The following UGGT2 variants were observed in gnomAD, a reference collection of about 807,000 sequenced individuals.
UGGT2 encodes the protein UDP-glucose glycoprotein glucosyltransferase 2, also known as UDP-glucose:glycoprotein glucosyltransferase 2.
A neutral mutation model predicts 192.1 loss-of-function variants in UGGT2; 180 were observed. The observed-to-expected ratio is 0.94, with a 90% CI of 0.83 to 1.06. The LOEUF is 1.06. UGGT2 is among the 50% of genes least tolerant of loss of function. The pLI, the probability that UGGT2 is intolerant of heterozygous loss-of-function variation, is 0.00. For synonymous variants in UGGT2, 580 were observed against 591.0 expected, an observed-to-expected ratio of 0.98 and a Z score of 0.27; for missense variants, 1,849 against 1,795.7, an observed-to-expected ratio of 1.03 and a Z score of -0.54.
intron 36 of UGGT2, among the ~76,000 whole-genome samples, chr13:95,840,391 C>T (rs1887737603): frequency 6.6e-6 from 1 of 152,132 alleles, no homozygotes; most frequent in Non-Finnish European, 1.5e-5. Context: ...AGAATATGAA[C>T]AGACGCTTCT....
At chr13:95,861,115 T>C (rs1245395527) in intron 31 of UGGT2, among the ~76,000 whole-genome samples, 1 of 152,096 alleles carries the variant, frequency 6.6e-6, no homozygotes, top group Non-Finnish European at 1.5e-5. Context: ...TTTAGGTGAA[T>C]GGGCTGGTAT....
intron 7 of UGGT2, among the ~76,000 whole-genome samples, chr13:95,993,257 C>G (rs1181618101): frequency 6.6e-6 from 1 of 152,090 alleles, no homozygotes; most frequent in East Asian, 1.9e-4. Context: ...GGGAAGATGG[C>G]AAGGGCTGAA....
rs529089188 is a variant in UGGT2, at chr13:95,868,775, C to G, written c.3474-1352G>C. Among the ~76,000 whole-genome samples the G allele has an allele frequency of 7.9e-5, 12 of 152,268 alleles. No homozygotes were observed. In the South Asian group the frequency reaches 1.9e-3, roughly 24 times the overall value. ...GACCCAGAGTATAAAAGCCAGCTAG[C>G]AGAGCACTACAGCTAGACCTAGACA... On this transcript the variant is annotated intron_variant, in intron 29 of 38. Transcript: ENST00000376747.
Position 96,023,168 on chromosome 13 carries a change from T to G in UGGT2, c.373-16A>C. 6.4e-7 allele frequency: 1 copy of G among 1,555,122 alleles called. No individual in the cohort carries two copies. The highest frequency in any genetic ancestry group is 8.7e-7 in the Non-Finnish European group (1 of 1,148,846). On this transcript the variant is annotated splice_polypyrimidine_tract_variant and intron_variant, in intron 3 of 38. Coordinates refer to ENST00000376747, the MANE Select transcript of UGGT2 (RefSeq NM_020121.4). Reference sequence around the variant, plus strand: ...CAGCTGCAATCTAAGATTTCAAAGATTATATTTAGCTACAGCAGTTGATAA... The same window carrying G: ...CAGCTGCAATCTAAGATTTCAAAGAGTATATTTAGCTACAGCAGTTGATAA...
intron 1 of UGGT2, among the ~76,000 whole-genome samples, chr13:96,039,180 CAG>C (rs1474295140): frequency 6.6e-6 from 1 of 152,172 alleles, no homozygotes; most frequent in Non-Finnish European, 1.5e-5. Context: ...GTTCTGCTTG[CAG>C]AGTTATTCTT....
At chr13:95,975,217 A>G (rs183417064) in intron 10 of UGGT2, among the ~76,000 whole-genome samples, 6 of 152,356 alleles carry the variant, frequency 3.9e-5, no homozygotes, top group South Asian at 2.1e-4. Flanking sequence ...GAGGAAATTT[A>G]GAGCTTCCTA....
rs566556813 is a variant in UGGT2, at chr13:95,956,508, T to C, written c.1336-7054A>G. On this transcript the variant is annotated intron_variant, in intron 12 of 38. Coordinates refer to ENST00000376747, the MANE Select transcript of UGGT2 (RefSeq NM_020121.4). ...ATTTAAAATGGGCAAAGGACTTGAA[T>C]AGATATTCCTCTAGAGAAGATATAC... Among the ~76,000 whole-genome samples, 31 of 152,308 alleles carry C rather than the reference T, an allele frequency of 2.0e-4. 1 individual carries two copies. The South Asian group carries it at 6.2e-3, about 31-fold the overall frequency.
At chr13:95,908,030 T>G (rs2048349068) in intron 20 of UGGT2, among the ~76,000 whole-genome samples, 1 of 152,064 alleles carries the variant, frequency 6.6e-6, no homozygotes, top group Admixed American at 6.6e-5. Context: ...CTAACCATAA[T>G]AAACAGTGTA....
chr13:95,989,899 G>C, intron 8 of UGGT2, 74 bp downstream of exon 8: 2 of 895,662 alleles, frequency 2.2e-6, no homozygotes, highest in Non-Finnish European at 3.4e-6. Context: ...TATATCATGT[G>C]ATATATAAAA....
intron 9 of UGGT2, among the ~76,000 whole-genome samples, chr13:95,984,383 C>T (rs1244480199): frequency 6.6e-6 from 1 of 152,110 alleles, no homozygotes; most frequent in Non-Finnish European, 1.5e-5. Flanking sequence ...AGCAGGACTG[C>T]AGTGGCATGA....
intron 24 of UGGT2, among the ~76,000 whole-genome samples, chr13:95,892,023 A>G (rs1048174550): frequency 1.3e-5 from 2 of 152,180 alleles, no homozygotes; most frequent in Admixed American, 1.3e-4. Flanking sequence ...CACAAATCAG[A>G]CGTTCTGCTA....
chr13:95,920,841 T>C lies in UGGT2; in HGVS notation c.2295+4839A>G, dbSNP rs116267024. Among the ~76,000 whole-genome samples the C allele has an allele frequency of 4.3e-3, 661 of 152,314 alleles. 4 individuals carry two copies. The highest frequency in any genetic ancestry group is 0.015 in the African/African-American group (621 of 41,552). On this transcript the variant is annotated intron_variant, in intron 20 of 38. Coordinates refer to ENST00000376747, the MANE Select transcript of UGGT2 (RefSeq NM_020121.4). ...CCCAGCAATCCCATTACTTGGCATA[T>C]ACACAAAGGAATATAAATCATTCTG... is the stretch of plus-strand genomic sequence containing the variant.
intron 1 of UGGT2, 60 bp downstream of exon 1, chr13:96,053,095 C>G (rs1033971806): frequency 7.1e-7 from 1 of 1,404,488 alleles, no homozygotes; most frequent in Non-Finnish European, 9.2e-7. Context: ...ACGAAGAAAG[C>G]GCGGCTGAGG....
At chr13:95,912,863 C>T (rs1397577688) in intron 20 of UGGT2, among the ~76,000 whole-genome samples, 1 of 152,188 alleles carries the variant, frequency 6.6e-6, no homozygotes, top group Non-Finnish European at 1.5e-5. Flanking sequence ...GTAACCAAAA[C>T]AGCATGGTAC....
At chr13:95,830,419 T>C (rs371068970) in intron 38 of UGGT2, among the ~76,000 whole-genome samples, 31 of 151,996 alleles carry the variant, frequency 2.0e-4, no homozygotes, top group Non-Finnish European at 3.5e-4. Flanking sequence ...ACAATGAACT[T>C]AAACAAATTT....
intron 10 of UGGT2, among the ~76,000 whole-genome samples, chr13:95,979,547 G>A (rs202142387): frequency 8.3e-4 from 6 of 7,210 alleles, no homozygotes; most frequent in African/African-American, 1.0e-3. Flanking sequence ...GGTCTCTTAC[G>A]CAAAAAAAAA....
chr13:95,806,793 GTCTC>G (rs1884329123), intron 38 of UGGT2, among the ~76,000 whole-genome samples: 1 of 152,082 alleles, frequency 6.6e-6, no homozygotes, highest in South Asian at 2.1e-4. Flanking sequence ...GGAAATGACA[GTCTC>G]TCTAACAAAT....
At chr13:95,984,414 G>A (rs985632635) in intron 9 of UGGT2, among the ~76,000 whole-genome samples, 1 of 151,920 alleles carries the variant, frequency 6.6e-6, no homozygotes, top group Non-Finnish European at 1.5e-5. Context: ...CTGTAGTCTC[G>A]GGTTCCTGGG....
rs191876332 is a variant in UGGT2, at chr13:96,045,112, G to A, written c.158+8043C>T. 3.9e-5 allele frequency among the ~76,000 whole-genome samples: 6 copies of A among 152,158 alleles called. No homozygotes were observed. The East Asian group carries it at 5.8e-4, about 15-fold the overall frequency. ...ATCCTTAACAATATACTAGCTAACCGAATCCAACAATGTATCAAAAAGATA... is the reference window on the plus strand; with the variant it reads ...ATCCTTAACAATATACTAGCTAACCAAATCCAACAATGTATCAAAAAGATA... On this transcript the variant is annotated intron_variant, in intron 1 of 38. Coordinates refer to ENST00000376747, the MANE Select transcript of UGGT2 (RefSeq NM_020121.4).
Sources: allele counts gnomAD v4.1 joint callset (sites outside exome capture counted in the v4.1 genomes callset), GRCh38; gene constraint gnomAD v4.1.1; transcripts MANE v1.5; gene names NCBI Gene and HGNC (gene_info 2026-07-23, HGNC 2026-07-21).